Variants in FRY observed in about 807,000 individuals in gnomAD.
The protein encoded by FRY is FRY microtubule binding protein, also known as protein furry homolog.
Under a neutral mutation model 348.4 loss-of-function variants are expected in FRY, and 128 were observed. The ratio of observed to expected loss-of-function variants is 0.37; its 90% confidence interval spans 0.32 to 0.43. The LOEUF (loss-of-function observed/expected upper bound fraction) is 0.43. FRY is among the 20% of genes least tolerant of loss of function. The probability of loss-of-function intolerance (pLI) is 1.00; values close to 1 mark genes in which losing one functional copy is unlikely to be tolerated. For synonymous variants in FRY, 1,370 were observed against 1,374.7 expected, an observed-to-expected ratio of 1.00 and a Z score of 0.08; for missense variants, 2,736 against 3,695.2, an observed-to-expected ratio of 0.74 and a Z score of 6.73.
At position 32,101,986 on chromosome 13, in the gene FRY, G is replaced by A. The variant is rs1293636288; in HGVS notation, c.294G>A (p.Leu98=). ...AGGAAAAGCCATTGACAAAATCTCTGCAACGTGGAGAAGACCCCCAATTTG... is the reference window on the plus strand; with the variant it reads ...AGGAAAAGCCATTGACAAAATCTCTACAACGTGGAGAAGACCCCCAATTTG... The part of the protein sequence containing the change: ...EPLEKPLTKS[L]QRGEDPQFDQ... Residue 98 remains leucine (L), a synonymous_variant, in exon 3 of 61, where the codon CTG becomes CTA. Transcript: ENST00000542859. 3.9e-6 allele frequency: 6 copies of A among 1,543,246 alleles called. No individual in the cohort carries two copies. The highest frequency in any genetic ancestry group is 5.4e-6 in the Non-Finnish European group (6 of 1,115,546).
chr13:32,239,282 C>A lies in FRY; in HGVS notation c.6449C>A (p.Pro2150His), dbSNP rs769393922. 1.2e-6 allele frequency: 2 copies of A among 1,610,018 alleles called. No individual in the cohort carries two copies. Among genetic ancestry groups the A allele is most frequent in the Non-Finnish European group, 1.7e-6 (2 of 1,176,406 alleles). Reference protein sequence around the residue: ...GFPLNVLCLLPQLIQHFENPN... With the variant: ...GFPLNVLCLLHQLIQHFENPN... The stretch of plus-strand genomic sequence containing the variant: ...CCACTGAATGTCTTGTGTCTCCTGC[C>A]TCAGCTGATTCAGCATTTTGAAAAT... Residue 2150 changes from proline (P) to histidine (H), a missense_variant, in exon 45 of 61, where the codon CCT becomes CAT. Transcript: ENST00000542859. The surrounding 1 kb of genome is among the most constrained non-coding windows in gnomAD (Gnocchi z 4.3).
intron 3 of FRY, among the ~76,000 whole-genome samples, chr13:32,104,670 G>T (rs775255782): frequency 3.3e-5 from 5 of 152,170 alleles, no homozygotes; most frequent in African/African-American, 1.2e-4. Context: ...TGGTTTGGCT[G>T]TGTCCCCACC....
At chr13:32,060,466 T>C (rs1430324271) in intron 1 of FRY, among the ~76,000 whole-genome samples, 1 of 152,172 alleles carries the variant, frequency 6.6e-6, no homozygotes, top group East Asian at 1.9e-4. Flanking sequence ...TCCTTAAGGG[T>C]GTATGGTTTC....
chr13:32,114,436 A>AG (rs969413337), intron 3 of FRY, among the ~76,000 whole-genome samples: 97 of 152,082 alleles, frequency 6.4e-4, no homozygotes, highest in African/African-American at 2.3e-3. Context: ...GCTGTTGGGG[A>AG]GGGGGTGCAG....
At chr13:32,112,492 T>C (rs1320133236) in intron 3 of FRY, among the ~76,000 whole-genome samples, 2 of 152,212 alleles carry the variant, frequency 1.3e-5, no homozygotes, top group Non-Finnish European at 2.9e-5. Context: ...GATCATCCCA[T>C]ACACTAGAGA....
intron 58 of FRY, among the ~76,000 whole-genome samples, chr13:32,287,692 G>T (rs564412473): frequency 3.9e-5 from 6 of 152,148 alleles, no homozygotes; most frequent in Non-Finnish European, 7.4e-5. Flanking sequence ...TAACTGGAAC[G>T]CTATGCATGT....
chr13:32,244,215 G>A (rs1178308880), intron 47 of FRY, 33 bp downstream of exon 47: 2 of 1,602,446 alleles, frequency 1.2e-6, no homozygotes, highest in East Asian at 2.2e-5. Context: ...TAAGCAACCA[G>A]TCGTTCTAAA....
At chr13:32,147,460 T>C in intron 12 of FRY, 75 bp downstream of exon 12, 1 of 812,628 alleles carries the variant, frequency 1.2e-6, no homozygotes, top group Non-Finnish European at 2.1e-6. Flanking sequence ...TTACTACCTA[T>C]GCTAACTCAA....
chr13:32,179,594 T>A, intron 22 of FRY, 81 bp from the exon 23 acceptor site: 1 of 1,458,416 alleles, frequency 6.9e-7, no homozygotes, highest in Non-Finnish European at 9.6e-7. Context: ...TTTGAAACTG[T>A]TATAATGGGA....
intron 1 of FRY, among the ~76,000 whole-genome samples, chr13:32,065,724 C>T (rs982166013): frequency 6.6e-6 from 1 of 152,116 alleles, no homozygotes; most frequent in African/African-American, 2.4e-5. Context: ...TCTCAGCCTC[C>T]CAGTAGCTAA....
intron 53 of FRY, among the ~76,000 whole-genome samples, chr13:32,262,834 T>A (rs770129598): frequency 1.4e-4 from 22 of 152,100 alleles, no homozygotes; most frequent in Non-Finnish European, 1.9e-4. Context: ...AACAATATGC[T>A]AAGTGAGGTG....
intron 1 of FRY, among the ~76,000 whole-genome samples, chr13:32,069,268 G>A (rs1159296523): frequency 1.3e-5 from 2 of 152,098 alleles, no homozygotes; most frequent in African/African-American, 4.8e-5. Flanking sequence ...CCCTCTAACG[G>A]CTAAAAAGTG....
At chr13:32,181,141 C>T (rs963678595) in intron 23 of FRY, among the ~76,000 whole-genome samples, 14 of 152,084 alleles carry the variant, frequency 9.2e-5, no homozygotes, top group Admixed American at 2.6e-4. Flanking sequence ...CTGCCCACCC[C>T]GGCCTCCCAA....
chr13:32,171,756 G>C (rs1259375402), intron 18 of FRY, among the ~76,000 whole-genome samples: 1 of 152,236 alleles, frequency 6.6e-6, no homozygotes, highest in Non-Finnish European at 1.5e-5. Context: ...GAAACTCAGA[G>C]CATGATATTC....
chr13:32,156,494 G>A (rs576167344), intron 15 of FRY, among the ~76,000 whole-genome samples: 2 of 151,794 alleles, frequency 1.3e-5, no homozygotes, highest in Non-Finnish European at 2.9e-5. Context: ...CCAGCAACTT[G>A]GGAGGCTAAG....
chr13:32,234,875 G>C, intron 42 of FRY, 114 bp downstream of exon 42: 4 of 822,690 alleles, frequency 4.9e-6, no homozygotes, highest in Non-Finnish European at 7.9e-6. Flanking sequence ...ATCTGGACAT[G>C]TACAATATAT....
intron 59 of FRY, among the ~76,000 whole-genome samples, chr13:32,291,317 A>G (rs762841696): frequency 5.9e-5 from 9 of 152,136 alleles, no homozygotes; most frequent in Non-Finnish European, 8.8e-5. Context: ...CCTCTATTCA[A>G]TTATAAGTTG....
At position 32,267,291 on chromosome 13, in the gene FRY, C is replaced by T. The variant is rs376216024; in HGVS notation, c.8068C>T (p.Gln2690Ter). ...GGAGGCCTGGCGCAGCCACATCAAC[C>T]AGCTTATGTGTGACTCAGATGGCTC... ...AEEAWRSHIN[Q>*]LMCDSDGSCA... Residue 2690 changes from glutamine (Q) to a stop codon, truncating the protein, a stop_gained, in exon 55 of 61, where the codon CAG becomes TAG. Transcript: ENST00000542859. LOFTEE classifies it high-confidence loss of function. 6.2e-7 allele frequency: 1 copy of T among 1,614,184 alleles called. No homozygotes were observed. The highest frequency in any genetic ancestry group is 8.5e-7 in the Non-Finnish European group (1 of 1,180,014).
At chr13:32,195,004 C>T (rs373787781) in intron 29 of FRY, among the ~76,000 whole-genome samples, 14 of 152,074 alleles carry the variant, frequency 9.2e-5, no homozygotes, top group East Asian at 5.8e-4. Context: ...AAATGTTGCA[C>T]TTTAAATAGC....
Sources: gnomAD v4.1 joint callset for allele counts (sites outside exome capture counted in the v4.1 genomes callset) on GRCh38, gnomAD v4.1.1 for gene constraint, Gnocchi (gnomAD v3.1) non-coding constraint, MANE v1.5 for transcripts, NCBI Gene and HGNC (gene_info 2026-07-23, HGNC 2026-07-21) for gene names.